Variants in MNAT1 observed in about 807,000 individuals in gnomAD.
The protein encoded by MNAT1 is CDK-activating kinase assembly factor MAT1.
In MNAT1, 43 loss-of-function variants were observed where a neutral mutation model predicts 42.0. The ratio of observed to expected loss-of-function variants is 1.02; its 90% CI spans 0.80 to 1.32. The LOEUF (loss-of-function observed/expected upper bound fraction) is 1.32, where lower values mean the gene tolerates loss of function less well. MNAT1 is among the 40% of genes most tolerant of loss of function. MNAT1 has a pLI of 0.00. For missense variants in MNAT1, 306 were observed against 350.4 expected (o/e 0.87, Z 1.01); for synonymous variants, 118 against 120.0 (o/e 0.98, Z 0.11).
At chr14:60,876,814 T>G (rs79444114) in intron 6 of MNAT1, among the ~76,000 whole-genome samples, 2,291 of 152,208 alleles carry the variant, frequency 0.015, 52 homozygotes, top group African/African-American at 0.052. Flanking sequence ...CACCACATAT[T>G]GTTTATTCAT....
At chr14:60,937,352 G>A (rs2036020311) in intron 7 of MNAT1, among the ~76,000 whole-genome samples, 1 of 152,136 alleles carries the variant, frequency 6.6e-6, no homozygotes, top group African/African-American at 2.4e-5. Flanking sequence ...TGGTTTTTAT[G>A]GTTTTAGGTC....
chr14:60,755,772 A>G (rs573610648), intron 1 of MNAT1, among the ~76,000 whole-genome samples: 1 of 152,306 alleles, frequency 6.6e-6, no homozygotes, highest in East Asian at 1.9e-4. Flanking sequence ...TTTTGGCATT[A>G]TACTGAAAAG....
chr14:60,750,066 A>G (rs1239278679), intron 1 of MNAT1, among the ~76,000 whole-genome samples: 1 of 152,158 alleles, frequency 6.6e-6, no homozygotes, highest in Non-Finnish European at 1.5e-5. Flanking sequence ...GGTGGGGACC[A>G]GTATTTTATA....
intron 7 of MNAT1, among the ~76,000 whole-genome samples, chr14:60,887,904 G>T (rs2034718692): frequency 6.6e-6 from 1 of 151,488 alleles, no homozygotes; most frequent in African/African-American, 2.4e-5. Flanking sequence ...CCAGGAAGAA[G>T]TTGAATCTCT....
chr14:60,904,213 G>GA (rs1818708781), intron 7 of MNAT1, among the ~76,000 whole-genome samples: 1 of 152,074 alleles, frequency 6.6e-6, no homozygotes, highest in African/African-American at 2.4e-5. Flanking sequence ...TGGGGCATCA[G>GA]AAAATCAAAG....
intron 1 of MNAT1, among the ~76,000 whole-genome samples, chr14:60,789,984 G>A (rs4151194): frequency 0.011 from 1,596 of 151,930 alleles, 99 homozygotes; most frequent in Admixed American, 0.097. Context: ...GTATATGAAT[G>A]TTTATGCACA....
chr14:60,822,163 G>A (rs1274443979), intron 6 of MNAT1, among the ~76,000 whole-genome samples: 1 of 152,138 alleles, frequency 6.6e-6, no homozygotes, highest in Admixed American at 6.5e-5. Context: ...CTAAAGAGAG[G>A]CAGCATCAGA....
intron 1 of MNAT1, among the ~76,000 whole-genome samples, chr14:60,762,777 A>G (rs376607212): frequency 2.7e-5 from 4 of 150,474 alleles, no homozygotes; most frequent in Non-Finnish European, 5.9e-5. Flanking sequence ...CTTCCCTTAC[A>G]TTATGGTATT....
At chr14:60,749,524 T>A (rs1005341400) in intron 1 of MNAT1, among the ~76,000 whole-genome samples, 2 of 152,164 alleles carry the variant, frequency 1.3e-5, no homozygotes, top group African/African-American at 4.8e-5. Flanking sequence ...TTAGGGAAAA[T>A]TACTGATTCT....
intron 6 of MNAT1, among the ~76,000 whole-genome samples, chr14:60,865,925 G>A (rs897624810): frequency 1.3e-5 from 2 of 151,978 alleles, no homozygotes; most frequent in African/African-American, 2.4e-5. Flanking sequence ...CACTGGGAAC[G>A]CTCTTTCTTC....
At chr14:60,769,456 A>AT (rs149970381) in intron 1 of MNAT1, among the ~76,000 whole-genome samples, 14 of 150,770 alleles carry the variant, frequency 9.3e-5, no homozygotes, top group East Asian at 2.0e-4. Flanking sequence ...ATTTTATTTT[A>AT]TTTTTTTTCA....
At chr14:60,887,141 A>G (rs191928021) in intron 7 of MNAT1, among the ~76,000 whole-genome samples, 1 of 151,818 alleles carries the variant, frequency 6.6e-6, no homozygotes, top group Non-Finnish European at 1.5e-5. Context: ...TTTTCATTCT[A>G]TTGATGAGTT....
chr14:60,883,416 A>G (rs550945365), intron 7 of MNAT1, among the ~76,000 whole-genome samples: 2 of 152,038 alleles, frequency 1.3e-5, no homozygotes, highest in African/African-American at 4.8e-5. Flanking sequence ...GAGATTCTCT[A>G]TTTTGTTCCA....
rs112435298 is a variant in MNAT1, at chr14:60,855,707, G to A, written c.688-24007G>A. On this transcript the variant is annotated intron_variant, in intron 6 of 7. Coordinates refer to ENST00000261245, the MANE Select transcript of MNAT1 (RefSeq NM_002431.4). ...AATGCAGAAATTACCTTCCTTCTGC[G>A]TTGGTCTCACTGAGAGATGCAGACT... Among the ~76,000 whole-genome samples the A allele has an allele frequency of 2.0e-4, 30 of 152,242 alleles. No homozygotes were observed. The South Asian group carries it at 4.4e-3, about 22-fold the overall frequency.
In MNAT1 at chr14:60,857,765, C is replaced by T. The variant is rs182558669; in HGVS notation, c.688-21949C>T. On this transcript the variant is annotated intron_variant, in intron 6 of 7. Transcript: ENST00000261245. ...ACAGGCCCCGGTGTGTGATGTTCCC[C>T]TCCCTGTGTCCATGTGTTCGCATTG... is the stretch of plus-strand genomic sequence containing the variant. Among the ~76,000 whole-genome samples, 724 of 151,984 alleles carry T rather than the reference C, an allele frequency of 4.8e-3. 4 individuals carry two copies. Among genetic ancestry groups the T allele is most frequent in the African/African-American group, 0.016 (675 of 41,398 alleles).
intron 1 of MNAT1, among the ~76,000 whole-genome samples, chr14:60,763,530 T>C (rs923907581): frequency 3.9e-5 from 6 of 152,276 alleles, no homozygotes; most frequent in Middle Eastern, 3.4e-3. Context: ...TTGGACTCCA[T>C]TGTAATTTAG....
intron 6 of MNAT1, among the ~76,000 whole-genome samples, chr14:60,856,391 G>C (rs2033959557): frequency 6.6e-6 from 1 of 152,176 alleles, no homozygotes; most frequent in African/African-American, 2.4e-5. Context: ...GTCCTATGAA[G>C]ACTGAGAGAG....
chr14:60,932,723 G>A (rs1220411120), intron 7 of MNAT1, among the ~76,000 whole-genome samples: 1 of 151,790 alleles, frequency 6.6e-6, no homozygotes, highest in African/African-American at 2.4e-5. Context: ...CCATACAGTT[G>A]TTATCTATTT....
At chr14:60,791,218 A>G (rs2031805454) in intron 1 of MNAT1, among the ~76,000 whole-genome samples, 1 of 152,188 alleles carries the variant, frequency 6.6e-6, no homozygotes, top group African/African-American at 2.4e-5. Context: ...CTAAATGATA[A>G]TAGCCAACAG....
Sources: allele counts gnomAD v4.1 joint callset (sites outside exome capture counted in the v4.1 genomes callset), GRCh38; gene constraint gnomAD v4.1.1; transcripts MANE v1.5; gene names NCBI Gene and HGNC (gene_info 2026-07-23, HGNC 2026-07-21).